The following ZFAT variants were observed in gnomAD, a reference collection of about 807,000 sequenced individuals.
ZFAT encodes the protein zinc finger protein ZFAT.
Under a neutral mutation model 117.7 loss-of-function variants are expected in ZFAT, and 64 were observed. That is an observed-to-expected ratio of 0.54 (90% CI 0.44 to 0.67). ZFAT has a LOEUF of 0.67. Ranked by LOEUF, ZFAT falls within the 30% of genes least tolerant of loss-of-function variation. ZFAT has a pLI of 0.00. For missense variants in ZFAT, 1,433 were observed against 1,584.5 expected (o/e 0.90, Z 1.62); for synonymous variants, 679 against 615.0 (o/e 1.10, Z -1.54).
chr8:134,548,558 G>T (rs1416939383), intron 11 of ZFAT, among the ~76,000 whole-genome samples: 1 of 152,156 alleles, frequency 6.6e-6, no homozygotes, highest in East Asian at 1.9e-4. Flanking sequence ...ATATACATGG[G>T]GTTCATTATA....
intron 3 of ZFAT, among the ~76,000 whole-genome samples, chr8:134,631,443 C>T (rs115984026): frequency 0.033 from 5,081 of 152,220 alleles, 275 homozygotes; most frequent in African/African-American, 0.12. Context: ...AGACACGGGC[C>T]CCAACCAGCC....
intron 15 of ZFAT, among the ~76,000 whole-genome samples, chr8:134,480,390 C>A (rs1817214996): frequency 6.6e-6 from 1 of 152,258 alleles, no homozygotes; most frequent in Admixed American, 6.5e-5. Flanking sequence ...TCCACAAGGG[C>A]AGGACCATGT....
At chr8:134,578,273 T>C (rs1256278890) in intron 10 of ZFAT, among the ~76,000 whole-genome samples, 1 of 151,306 alleles carries the variant, frequency 6.6e-6, no homozygotes, top group Non-Finnish European at 1.5e-5. Flanking sequence ...TAGTTGGGTG[T>C]GGTGGTGGGT....
intron 11 of ZFAT, among the ~76,000 whole-genome samples, chr8:134,556,155 A>C (rs181299468): frequency 3.9e-4 from 59 of 152,334 alleles, no homozygotes; most frequent in African/African-American, 1.4e-3. Flanking sequence ...AGTTTTATTA[A>C]AACATCACAT....
At chr8:134,505,638 G>A (rs1415693449) in intron 15 of ZFAT, among the ~76,000 whole-genome samples, 2 of 152,296 alleles carry the variant, frequency 1.3e-5, no homozygotes, top group Admixed American at 1.3e-4. Context: ...GTGAGTGGAT[G>A]TCAGACCTTA....
At chr8:134,619,336 T>C (rs1828954190) in intron 3 of ZFAT, among the ~76,000 whole-genome samples, 1 of 152,140 alleles carries the variant, frequency 6.6e-6, no homozygotes, top group African/African-American at 2.4e-5. Flanking sequence ...TTCTACTAAA[T>C]GCATGTCACT....
At chr8:134,497,239 C>T (rs973143940) in intron 15 of ZFAT, among the ~76,000 whole-genome samples, 1 of 152,240 alleles carries the variant, frequency 6.6e-6, no homozygotes, top group African/African-American at 2.4e-5. Context: ...GTAAGGGTTG[C>T]TGTGATGTAA....
At chr8:134,712,771 T>A in intron 1 of ZFAT, 74 bp downstream of exon 1, 1 of 1,410,804 alleles carries the variant, frequency 7.1e-7, no homozygotes, top group Non-Finnish European at 9.4e-7. Context: ...GACTCGACGC[T>A]CGAAACGGCT....
At chr8:134,560,802 A>G (rs1398306466) in intron 11 of ZFAT, among the ~76,000 whole-genome samples, 2 of 152,244 alleles carry the variant, frequency 1.3e-5, no homozygotes, top group Non-Finnish European at 2.9e-5. Flanking sequence ...TTTGGAAGAA[A>G]GCAAAGAGTT....
At chr8:134,683,337 T>C (rs1833158720) in intron 1 of ZFAT, among the ~76,000 whole-genome samples, 1 of 152,058 alleles carries the variant, frequency 6.6e-6, no homozygotes. Context: ...GCCTGTATGG[T>C]TCCACAGCTA....
At chr8:134,712,486 C>T (rs1814040015) in intron 1 of ZFAT, among the ~76,000 whole-genome samples, 1 of 147,398 alleles carries the variant, frequency 6.8e-6, no homozygotes, top group Admixed American at 6.8e-5. Flanking sequence ...GAAGCCCCGC[C>T]AAGGTCCAGT....
At chr8:134,550,293 C>T (rs980149901) in intron 11 of ZFAT, among the ~76,000 whole-genome samples, 1 of 118,336 alleles carries the variant, frequency 8.5e-6, no homozygotes, top group Non-Finnish European at 1.6e-5. Context: ...ACATTCCATC[C>T]AGGGTTGGTC....
chr8:134,637,274 G>A (rs564512994), intron 3 of ZFAT, among the ~76,000 whole-genome samples, 187 bp downstream of exon 3: 1 of 152,334 alleles, frequency 6.6e-6, no homozygotes, highest in South Asian at 2.1e-4. Context: ...ACTCCCAGAT[G>A]ACACATTCAC....
chr8:134,551,757 C>T (rs1823184108), intron 11 of ZFAT, among the ~76,000 whole-genome samples: 1 of 152,214 alleles, frequency 6.6e-6, no homozygotes, highest in African/African-American at 2.4e-5. Context: ...CCAAACATCA[C>T]CTTTGTTCAA....
At chr8:134,736,848 A>G in the ZFAT span, among the ~76,000 whole-genome samples, 1 of 152,104 alleles carries the variant, frequency 6.6e-6, no homozygotes, top group African/African-American at 2.4e-5. Flanking sequence ...AGCCTCCCAA[A>G]GTGCTGGGAT....
At chr8:134,758,440 AGTTT>A in the ZFAT span, among the ~76,000 whole-genome samples, 1 of 152,256 alleles carries the variant, frequency 6.6e-6, no homozygotes, top group Admixed American at 6.5e-5. Context: ...CTCTGTGCTT[AGTTT>A]AAGAGTCAGC....
At chr8:134,620,680 G>T (rs182341457) in intron 3 of ZFAT, among the ~76,000 whole-genome samples, 47 of 152,310 alleles carry the variant, frequency 3.1e-4, no homozygotes, top group Admixed American at 9.8e-4. Flanking sequence ...TACAGCGCAG[G>T]GCCAAAGACC....
chr8:134,524,865 A>G (rs577490576), intron 12 of ZFAT, among the ~76,000 whole-genome samples: 1 of 152,332 alleles, frequency 6.6e-6, no homozygotes, highest in Admixed American at 6.5e-5. Flanking sequence ...ACTAATAGCA[A>G]TAACAACATA....
rs192463437 is a variant in ZFAT, at chr8:134,569,051, A to T, written c.2888-3630T>A. 2.0e-5 allele frequency among the ~76,000 whole-genome samples: 3 copies of T among 152,330 alleles called. No homozygotes were observed. The East Asian group carries it at 5.8e-4, about 29-fold the overall frequency. The stretch of plus-strand genomic sequence containing the variant: ...GAAGAAAAGAATGATTACAAAGAAA[A>T]GAGGTTGACTGATAAAAAGTAATGC... On this transcript the variant is annotated intron_variant, in intron 10 of 15. Coordinates refer to ENST00000377838, the MANE Select transcript of ZFAT (RefSeq NM_020863.4).
Sources: allele counts gnomAD v4.1 joint callset (sites outside exome capture counted in the v4.1 genomes callset), GRCh38; gene constraint gnomAD v4.1.1; transcripts MANE v1.5; gene names NCBI Gene and HGNC (gene_info 2026-07-23, HGNC 2026-07-21).